Variants in MLLT10 observed in about 807,000 individuals in gnomAD.
MLLT10 encodes the protein protein AF-10.
MLLT10 carries 30 observed loss-of-function variants against 129.1 expected under a neutral mutation model. The ratio of observed to expected loss-of-function variants is 0.23; its 90% CI spans 0.17 to 0.32. The LOEUF is 0.32. Among genes scored for constraint, MLLT10 ranks in the 10% least tolerant of loss-of-function variants. MLLT10 has a pLI of 1.00. For missense variants in MLLT10, 1,119 were observed against 1,268.3 expected (o/e 0.88, Z 1.79); for synonymous variants, 490 against 446.4 (o/e 1.10, Z -1.23).
chr10:21,629,717 A>G (rs1225517835), intron 8 of MLLT10, among the ~76,000 whole-genome samples: 2 of 152,244 alleles, frequency 1.3e-5, no homozygotes, highest in African/African-American at 4.8e-5. Context: ...CAAGGAAGTC[A>G]TTGAAGAGGA....
At chr10:21,615,003 C>A in intron 7 of MLLT10, 79 bp downstream of exon 7, 2 of 1,172,180 alleles carry the variant, frequency 1.7e-6, no homozygotes, top group South Asian at 3.1e-5. Context: ...TTAAAAAAAG[C>A]ATATAACAGT....
chr10:21,637,009 G>A (rs2047525704), intron 8 of MLLT10, among the ~76,000 whole-genome samples: 3 of 152,190 alleles, frequency 2.0e-5, no homozygotes, highest in South Asian at 2.1e-4. Context: ...TGGGTGTGGC[G>A]TTCAGTTTCA....
rs576979430 is a variant in MLLT10 at position 21,709,106 on chromosome 10, G to A, written c.1700-4666G>A. ...GAACCCAGTTTTGTCTAAGTCAAAA[G>A]CCTCTGCTGTTTCAATTTCAGCATG... On this transcript the variant is annotated intron_variant, in intron 13 of 22. Coordinates refer to ENST00000307729, the MANE Select transcript of MLLT10 (RefSeq NM_001195626.3). Among the ~76,000 whole-genome samples, 3 of 152,236 alleles carry A rather than the reference G, an allele frequency of 2.0e-5. No homozygotes were observed. The South Asian group carries it at 6.2e-4, about 32-fold the overall frequency.
At chr10:21,676,016 AC>A (rs1366264259) in intron 11 of MLLT10, among the ~76,000 whole-genome samples, 2 of 152,208 alleles carry the variant, frequency 1.3e-5, no homozygotes, top group Non-Finnish European at 2.9e-5. Flanking sequence ...CGTTTCTCTT[AC>A]CTTACCATTA....
At position 21,741,980 on chromosome 10, in the gene MLLT10, T is replaced by C. The variant is rs1247952534; in HGVS notation, c.3204T>C (p.Ser1068=). 3.1e-6 allele frequency: 5 copies of C among 1,612,346 alleles called. No individual in the cohort carries two copies. Among genetic ancestry groups the C allele is most frequent in the Non-Finnish European group, 4.2e-6 (5 of 1,179,700 alleles). ...DKTGPVAQEK[S] ...CTGGGCCTGTAGCTCAAGAGAAAAG[T>C]TGACACCTGAGAAACATCTAGAAAT... Residue 1068 remains serine, a synonymous_variant, in exon 23 of 23, where the codon AGT becomes AGC. Transcript: ENST00000307729.
At chr10:21,675,640 G>A (rs4503428) in intron 11 of MLLT10, among the ~76,000 whole-genome samples, 1 of 152,172 alleles carries the variant, frequency 6.6e-6, no homozygotes, top group Non-Finnish European at 1.5e-5. Context: ...AGTACCTTTA[G>A]ACAAATTTAG....
chr10:21,716,928 A>G (rs1227587424), intron 14 of MLLT10, among the ~76,000 whole-genome samples: 1 of 151,998 alleles, frequency 6.6e-6, no homozygotes, highest in Non-Finnish European at 1.5e-5. Context: ...TTTTAAGTAA[A>G]TAGACCTCTA....
intron 3 of MLLT10, among the ~76,000 whole-genome samples, chr10:21,568,798 G>A (rs1355410206): frequency 6.6e-6 from 1 of 152,026 alleles, no homozygotes; most frequent in African/African-American, 2.4e-5. Context: ...TACCATGCCC[G>A]GCTAATGTTG....
At chr10:21,691,053 A>G (rs1042698726) in intron 13 of MLLT10, among the ~76,000 whole-genome samples, 1 of 152,170 alleles carries the variant, frequency 6.6e-6, no homozygotes, top group African/African-American at 2.4e-5. Context: ...CCTTACGGTA[A>G]TCTTCTTGGG....
intron 3 of MLLT10, chr10:21,556,750 C>T (rs200529349): frequency 2.3e-4 from 364 of 1,609,804 alleles, no homozygotes; most frequent in South Asian, 1.1e-4. Flanking sequence ...TGGTGTCTAA[C>T]GTTCCTCCAG....
chr10:21,585,422 C>T (rs1450629630), intron 3 of MLLT10, among the ~76,000 whole-genome samples: 1 of 152,056 alleles, frequency 6.6e-6, no homozygotes, highest in Non-Finnish European at 1.5e-5. Context: ...GGAGAGGGAT[C>T]CACAATAAAT....
intron 8 of MLLT10, among the ~76,000 whole-genome samples, chr10:21,649,419 C>G (rs2048811428): frequency 6.6e-6 from 1 of 152,204 alleles, no homozygotes; most frequent in Non-Finnish European, 1.5e-5. Context: ...TCCCATGACC[C>G]AATCGTGTAT....
At chr10:21,536,040 G>C (rs572640059) in intron 2 of MLLT10, among the ~76,000 whole-genome samples, 63 of 152,286 alleles carry the variant, frequency 4.1e-4, no homozygotes, top group African/African-American at 1.5e-3. Context: ...CTGGGTTCAA[G>C]CGATTGATTC....
In MLLT10 at chr10:21,636,425, C is replaced by T. The variant is rs573079935; in HGVS notation, c.700-15248C>T. Among the ~76,000 whole-genome samples, 20 of 152,198 alleles carry T rather than the reference C, an allele frequency of 1.3e-4. No individual in the cohort carries two copies. In the South Asian group the frequency reaches 2.7e-3, roughly 21 times the overall value. Reference sequence around the variant, plus strand: ...GATTACAGGGTTGAGCCACTGCGACCGGCCCATGATTTTTTTATATTTTCA... The same window carrying T: ...GATTACAGGGTTGAGCCACTGCGACTGGCCCATGATTTTTTTATATTTTCA... On this transcript the variant is annotated intron_variant, in intron 8 of 22. Coordinates refer to ENST00000307729, the MANE Select transcript of MLLT10 (RefSeq NM_001195626.3).
At chr10:21,666,551 T>C (rs2050817606) in intron 9 of MLLT10, among the ~76,000 whole-genome samples, 2 of 151,802 alleles carry the variant, frequency 1.3e-5, no homozygotes, top group African/African-American at 4.8e-5. Context: ...TAGTCCCAGC[T>C]ACTGGGAAGG....
chr10:21,592,481 A>C (rs2042601733), intron 4 of MLLT10, among the ~76,000 whole-genome samples: 1 of 146,062 alleles, frequency 6.8e-6, no homozygotes, highest in Admixed American at 7.0e-5. Flanking sequence ...TTTGAGACGG[A>C]GTCTCACTCT....
chr10:21,599,503 T>A (rs1364258758), intron 5 of MLLT10, among the ~76,000 whole-genome samples: 3 of 152,192 alleles, frequency 2.0e-5, no homozygotes, highest in East Asian at 3.9e-4. Context: ...GGGTTCATTT[T>A]AATTTTTTCC....
rs1833906821 is a variant in MLLT10, at chr10:21,743,354, T to A, written c.*1371T>A. On this transcript the variant is annotated 3_prime_UTR_variant, in exon 23 of 23. Coordinates refer to ENST00000307729, the MANE Select transcript of MLLT10 (RefSeq NM_001195626.3). ...TGACAAATTCATAAGATAACATTGA[T>A]ATTTTGATTTGTAATATTTCTAATT... 9.3e-6 allele frequency: 2 copies of A among 214,660 alleles called. No individual in the cohort carries two copies. Among genetic ancestry groups the A allele is most frequent in the African/African-American group, 2.3e-5 (1 of 44,358 alleles). The allele number at this position is 214,660 out of a possible 1,614,324, so 13.3% of individuals were successfully genotyped here.
intron 8 of MLLT10, among the ~76,000 whole-genome samples, chr10:21,646,319 A>G (rs1243189): frequency 0.25 from 37,524 of 152,184 alleles, 5,806 homozygotes; most frequent in Middle Eastern, 0.48. Flanking sequence ...GGTTCATTAC[A>G]GAGAGCAAAT....
Sources: allele counts gnomAD v4.1 joint callset (sites outside exome capture counted in the v4.1 genomes callset), GRCh38; gene constraint gnomAD v4.1.1; transcripts MANE v1.5; gene names NCBI Gene and HGNC (gene_info 2026-07-23, HGNC 2026-07-21).